The following PCDHA7 variants were observed in gnomAD, a reference collection of about 807,000 sequenced individuals.
PCDHA7 encodes the protein protocadherin alpha-7.
A neutral mutation model predicts 57.2 loss-of-function variants in PCDHA7; 37 were observed. The ratio of observed to expected loss-of-function variants is 0.65; its 90% CI spans 0.50 to 0.85. The LOEUF is 0.85. Ranked by LOEUF, PCDHA7 falls within the 40% of genes least tolerant of loss-of-function variation. The pLI, the probability that PCDHA7 is intolerant of heterozygous loss-of-function variation, is 0.00. For missense variants in PCDHA7, 1,188 were observed against 1,241.8 expected (o/e 0.96, Z 0.65); for synonymous variants, 553 against 558.8 (o/e 0.99, Z 0.15).
intron 1 of PCDHA7, among the ~76,000 whole-genome samples, chr5:140,970,416 G>A (rs536181177): frequency 2.4e-4 from 36 of 152,326 alleles, no homozygotes; most frequent in African/African-American, 8.2e-4. Context: ...CTACAGTAAG[G>A]TGTAGAGGCA....
intron 1 of PCDHA7, chr5:140,875,985 G>C (rs1351463699): frequency 1.8e-5 from 29 of 1,613,832 alleles, no homozygotes; most frequent in Non-Finnish European, 2.3e-5. Context: ...TGACCTATGC[G>C]TTAAGTCTAA....
At chr5:140,990,708 T>G (rs1201090744) in intron 3 of PCDHA7, among the ~76,000 whole-genome samples, 3 of 152,190 alleles carry the variant, frequency 2.0e-5, no homozygotes, top group African/African-American at 7.2e-5. Context: ...TTTATGGGGA[T>G]AAGAGCATCA....
intron 1 of PCDHA7, chr5:140,877,875 C>T (rs2057379478): frequency 6.8e-7 from 1 of 1,475,090 alleles, no homozygotes; most frequent in Non-Finnish European, 9.0e-7. Context: ...TATTTGTTTC[C>T]TTGAAGAACT....
At chr5:140,842,736 G>A in intron 1 of PCDHA7, 1 of 1,594,954 alleles carries the variant, frequency 6.3e-7, no homozygotes, top group South Asian at 1.1e-5. Context: ...CCGCCGGGCT[G>A]CCACATCTTC....
chr5:140,924,942 GT>G (rs1180985667), intron 1 of PCDHA7, among the ~76,000 whole-genome samples: 3 of 120,862 alleles, frequency 2.5e-5, no homozygotes, highest in African/African-American at 8.7e-5. Context: ...AAAATAAAAA[GT>G]TAAAAAAAAA....
chr5:140,931,414 T>C (rs2087515742), intron 1 of PCDHA7, among the ~76,000 whole-genome samples: 1 of 151,886 alleles, frequency 6.6e-6, no homozygotes, highest in Non-Finnish European at 1.5e-5. Context: ...GGCTGATGAA[T>C]CTAGAAGTTA....
In PCDHA7 at chr5:140,883,696, G is replaced by C. The variant is rs142212706; in HGVS notation, c.2355+46958G>C. On this transcript the variant is annotated intron_variant, in intron 1 of 3. Transcript: ENST00000525929. ...ATCCGCCGGGCTGCCACATCTTCAC[G>C]GTGTCTGCTCAGGACGCGGACGCAC... The C allele has an allele frequency of 1.7e-4, 276 of 1,613,818 alleles. 1 individual carries two copies. In the African/African-American group the frequency reaches 3.2e-3, roughly 19 times the overall value.
chr5:140,964,701 C>T (rs1228970267), intron 1 of PCDHA7, among the ~76,000 whole-genome samples: 2 of 151,776 alleles, frequency 1.3e-5, no homozygotes, highest in Non-Finnish European at 2.9e-5. Context: ...GAGATTAAGG[C>T]CTCCGAGATC....
intron 1 of PCDHA7, among the ~76,000 whole-genome samples, chr5:140,846,921 G>T (rs1780756664): frequency 6.7e-6 from 1 of 149,554 alleles, no homozygotes. Context: ...TTTCCTATTT[G>T]AATTTTTGAA....
At chr5:140,876,972 C>T (rs374149249) in intron 1 of PCDHA7, 13 of 1,612,478 alleles carry the variant, frequency 8.1e-6, no homozygotes, top group Non-Finnish European at 1.1e-5. Context: ...GGCGGGTGGG[C>T]GAGCACGCAC....
chr5:140,932,187 T>C (rs2153611225), intron 1 of PCDHA7, among the ~76,000 whole-genome samples: 1 of 152,028 alleles, frequency 6.6e-6, no homozygotes, highest in Admixed American at 6.5e-5. Context: ...CTCATGTCCA[T>C]TTTTTTCTGT....
At position 140,835,471 on chromosome 5, in the gene PCDHA7, C is replaced by G; in HGVS notation, c.1088C>G (p.Ala363Gly). ...TSLSLPIPED[A>G]QPGTVITLIS... Reference sequence around the variant, plus strand: ...CTGTCTCTCCCTATTCCAGAGGACGCCCAACCAGGTACCGTCATCACATTG... The same window carrying G: ...CTGTCTCTCCCTATTCCAGAGGACGGCCAACCAGGTACCGTCATCACATTG... The change falls in exon 1 of 4, where the codon GCC (alanine) becomes GGC (glycine). Residue 363 changes from alanine (A) to glycine (G), a missense_variant. This residue lies in a region of PCDHA7 where 892 missense variants were observed against 788.5 expected (regional missense o/e 1.13). Transcript: ENST00000525929. The G allele has an allele frequency of 6.2e-7, 1 of 1,613,934 alleles. No homozygotes were observed.
chr5:140,966,916 G>A lies in PCDHA7; in HGVS notation c.2356-12033G>A, dbSNP rs1554228883. On this transcript the variant is annotated intron_variant, in intron 1 of 3. Coordinates refer to ENST00000525929, the MANE Select transcript of PCDHA7 (RefSeq NM_018910.3). Reference sequence around the variant, plus strand: ...CCCAGCTGCGATACTCTGTGCCAGAGGAGCAGGCACCCGGCGCGCTCGTGG... The same window carrying A: ...CCCAGCTGCGATACTCTGTGCCAGAAGAGCAGGCACCCGGCGCGCTCGTGG... 13 of 1,602,486 alleles carry A rather than the reference G, an allele frequency of 8.1e-6. No individual in the cohort carries two copies. In the South Asian group the frequency reaches 1.4e-4, roughly 18 times the overall value.
intron 1 of PCDHA7, chr5:140,871,293 G>A (rs1206433527): frequency 6.2e-7 from 1 of 1,613,794 alleles, no homozygotes; most frequent in Non-Finnish European, 8.5e-7. Context: ...CTGAGGGCGC[G>A]TGCGCGCCGG....
chr5:140,841,876 G>A lies in PCDHA7; in HGVS notation c.2355+5138G>A, dbSNP rs2150324572. 2.5e-6 allele frequency: 4 copies of A among 1,613,836 alleles called. No homozygotes were observed. The South Asian group carries it at 4.4e-5, about 18-fold the overall frequency. On this transcript the variant is annotated intron_variant, in intron 1 of 3. Transcript: ENST00000525929. Reference sequence around the variant, plus strand: ...ACTTCATGCTAGATGTGAATTCAAAGAACGATGAGAATAAACTGGTTGAGC... The same window carrying A: ...ACTTCATGCTAGATGTGAATTCAAAAAACGATGAGAATAAACTGGTTGAGC...
intron 1 of PCDHA7, chr5:140,869,699 C>T (rs10071369): frequency 6.2e-7 from 1 of 1,613,378 alleles, no homozygotes; most frequent in East Asian, 2.2e-5. Context: ...TTAAAGAAGT[C>T]TCTGGATAGA....
At chr5:140,863,736 T>C (rs2048147573) in intron 1 of PCDHA7, 1 of 249,698 alleles carries the variant, frequency 4.0e-6, no homozygotes. Context: ...AGCTCATGCC[T>C]ATTTGTAATC....
chr5:140,920,180 T>C (rs1386784105), intron 1 of PCDHA7, among the ~76,000 whole-genome samples: 1 of 152,198 alleles, frequency 6.6e-6, no homozygotes, highest in Admixed American at 6.5e-5. Context: ...ACCCAGTGTG[T>C]AGTAATTTGT....
intron 1 of PCDHA7, chr5:140,876,199 G>C: frequency 6.2e-7 from 1 of 1,613,940 alleles, no homozygotes; most frequent in South Asian, 1.1e-5. Flanking sequence ...TCCGGCGTTT[G>C]ATAAGCCCAG....
Sources: allele counts gnomAD v4.1 joint callset (sites outside exome capture counted in the v4.1 genomes callset), GRCh38; gene constraint gnomAD v4.1.1; regional missense constraint gnomAD v4.1.1; transcripts MANE v1.5; gene names NCBI Gene and HGNC (gene_info 2026-07-23, HGNC 2026-07-21).